CARD14: variants seen among roughly 807,000 people sequenced by gnomAD.
CARD14 encodes the protein caspase recruitment domain-containing protein 14.
A neutral mutation model predicts 111.5 loss-of-function variants in CARD14; 107 were observed. That is an observed-to-expected ratio of 0.96 (90% CI 0.82 to 1.13). The LOEUF is 1.13. Among genes scored for constraint, CARD14 ranks in the 50% most tolerant of loss-of-function variants. The pLI, the probability that CARD14 is intolerant of heterozygous loss-of-function variation, is 0.00. For synonymous variants in CARD14, 617 were observed against 579.6 expected, an observed-to-expected ratio of 1.06 and a Z score of -0.93; for missense variants, 1,322 against 1,362.3, an observed-to-expected ratio of 0.97 and a Z score of 0.47.
At position 80,191,325 on chromosome 17, in the gene CARD14, G is replaced by T; in HGVS notation, c.1092G>T (p.Ala364=). ...CTTACTCCCGTCGTGGCCCACAGGC[G>T]TACTCCGCGAGGGACAGTGCTCAGA... The part of the protein sequence containing the change: ...VCELQKERDQ[A]YSARDSAQRE... The change falls in exon 11 of 24, where the codon GCG becomes GCT. Residue 364 remains alanine (A), a splice_region_variant and synonymous_variant. Coordinates refer to ENST00000648509, the MANE Select transcript of CARD14 (RefSeq NM_001366385.1). 2 of 1,611,014 alleles carry T rather than the reference G, an allele frequency of 1.2e-6. No individual in the cohort carries two copies. Among genetic ancestry groups the T allele is most frequent in the Admixed American group, 1.7e-5 (1 of 59,972 alleles).
At chr17:80,204,392 G>A in intron 20 of CARD14, 51 bp downstream of exon 20, 9 of 1,480,092 alleles carry the variant, frequency 6.1e-6, no homozygotes, top group Non-Finnish European at 7.3e-6. Flanking sequence ...GTGGGTGAGG[G>A]GCTTTGGGAG....
chr17:80,204,665 G>C, intron 20 of CARD14: 1 of 386,682 alleles, frequency 2.6e-6, no homozygotes, highest in Non-Finnish European at 4.7e-6. Context: ...ACAGGACAGA[G>C]GGAGGGCTAG....
At chr17:80,193,769 G>A (rs1430146456) in intron 12 of CARD14, among the ~76,000 whole-genome samples, 5 of 152,106 alleles carry the variant, frequency 3.3e-5, no homozygotes, top group South Asian at 2.1e-4. Context: ...GTGCACACAC[G>A]GGGAAGATTT....
In CARD14 at chr17:80,203,269, CA is replaced by C. The variant is rs5822329; in HGVS notation, c.2220-538del. On this transcript the variant is annotated intron_variant, in intron 18 of 23. Transcript: ENST00000648509. This position sits in a 1 kb window ranked among gnomAD's most constrained non-coding sequence, Gnocchi z 4.6. ...TGGGCGACAGAGTGAGACTCTGTCTCAAAAAAAAAAAAAAAGAAAAGGAAAC... is the reference window on the plus strand; with the variant it reads ...TGGGCGACAGAGTGAGACTCTGTCTCAAAAAAAAAAAAAAGAAAAGGAAAC... 0.25 allele frequency: 27,925 copies of C among 109,544 alleles called. 2,987 individuals are homozygous for C. The highest frequency in any genetic ancestry group is 0.41 in the East Asian group (1,711 of 4,196). The allele number at this position is 109,544 out of a possible 1,614,324, so 6.8% of individuals were successfully genotyped here.
At chr17:80,204,623 T>A in intron 20 of CARD14, 1 of 334,472 alleles carries the variant, frequency 3.0e-6, no homozygotes, top group Non-Finnish European at 5.5e-6. Flanking sequence ...AAACTCTGTC[T>A]CAGGAAAAAA....
intron 4 of CARD14, among the ~76,000 whole-genome samples, chr17:80,180,377 A>G (rs572942705): frequency 1.4e-4 from 22 of 152,192 alleles, no homozygotes; most frequent in African/African-American, 5.3e-4. Context: ...CTGCCTCGCC[A>G]TCTTTGTAAG....
Position 80,188,149 on chromosome 17 carries a change from G to A in CARD14, c.676-228G>A, listed in dbSNP as rs913259026. On this transcript the variant is annotated intron_variant, in intron 7 of 23. Transcript: ENST00000648509. This position sits in a 1 kb window ranked among gnomAD's most constrained non-coding sequence, Gnocchi z 4.5. ...CTAACCCTGGATGGAGTTCAACCGC[G>A]GTGCCTCATCTATAAGACAGAGCTG... 6.4e-6 allele frequency: 3 copies of A among 472,380 alleles called. No individual in the cohort carries two copies. The highest frequency in any genetic ancestry group is 4.9e-5 in the Admixed American group (1 of 20,418). 29.3% of individuals were successfully genotyped at this position (472,380 alleles called of 1,614,324 possible).
intron 19 of CARD14, 143 bp downstream of exon 19, chr17:80,204,028 C>A: frequency 3.7e-6 from 3 of 812,030 alleles, no homozygotes; most frequent in Non-Finnish European, 5.8e-6. Context: ...TGCACCCCTT[C>A]AAACCAGGGC....
Position 80,203,346 on chromosome 17 carries a change from C to T in CARD14, c.2220-476C>T, listed in dbSNP as rs1007254782. On this transcript the variant is annotated intron_variant, in intron 18 of 23. Coordinates refer to ENST00000648509, the MANE Select transcript of CARD14 (RefSeq NM_001366385.1). The surrounding 1 kb of genome is among the most constrained non-coding windows in gnomAD (Gnocchi z 4.6). ...GGCTCCAAGTTTCAAGTGCACGGAACGCACAGTGCTAGAAAGCAGGAGTGT... is the reference window on the plus strand; with the variant it reads ...GGCTCCAAGTTTCAAGTGCACGGAATGCACAGTGCTAGAAAGCAGGAGTGT... The T allele has an allele frequency of 6.4e-6, 1 of 155,940 alleles. No individual in the cohort carries two copies. Among genetic ancestry groups the T allele is most frequent in the Non-Finnish European group, 1.4e-5 (1 of 70,764 alleles). 9.7% of individuals were successfully genotyped at this position (155,940 alleles called of 1,614,324 possible). A position where few individuals can be genotyped will look rare whatever the true frequency, so the allele number is the denominator to read the frequency against.
At chr17:80,197,979 G>A (rs781499389) in intron 14 of CARD14, 120 bp from the exon 15 acceptor site, 310 of 895,766 alleles carry the variant, frequency 3.5e-4, no homozygotes, top group Non-Finnish European at 1.6e-4. Context: ...GTTACAGGAC[G>A]CCCCATCAGC....
intron 11 of CARD14, among the ~76,000 whole-genome samples, chr17:80,191,954 A>G (rs2040544258): frequency 6.6e-6 from 1 of 152,216 alleles, no homozygotes; most frequent in African/African-American, 2.4e-5. Context: ...GCTGGCAGGC[A>G]GCTCCAGCTC....
At chr17:80,205,899 G>A (rs1021982106) in intron 22 of CARD14, 25 of 417,962 alleles carry the variant, frequency 6.0e-5, no homozygotes, top group African/African-American at 4.5e-4. Flanking sequence ...ATGTTTAATA[G>A]ATATTTGTTC....
chr17:80,193,502 G>A (rs1371361301), intron 12 of CARD14, among the ~76,000 whole-genome samples: 1 of 152,272 alleles, frequency 6.6e-6, no homozygotes, highest in Non-Finnish European at 1.5e-5. Flanking sequence ...AAAGTAAAGA[G>A]GTGGTCCCAC....
At chr17:80,207,800 A>G (rs1287808060) in intron 23 of CARD14, 4 of 277,326 alleles carry the variant, frequency 1.4e-5, no homozygotes, top group Non-Finnish European at 2.7e-5. Flanking sequence ...ACCCGGCCTC[A>G]GCTCCACTGA....
chr17:80,208,318 G>T lies in CARD14; in HGVS notation c.2988G>T (p.Val996=), dbSNP rs1484562517. ...RQAIADEQKK[V]VWTEQSPR ...CCATCGCCGACGAGCAGAAGAAGGT[G>T]GTGTGGACGGAGCAGAGCCCCCGAT... Residue 996 remains valine, a synonymous_variant, in exon 24 of 24, where the codon GTG becomes GTT. Coordinates refer to ENST00000648509, the MANE Select transcript of CARD14 (RefSeq NM_001366385.1). 1.9e-6 allele frequency: 3 copies of T among 1,604,534 alleles called. No individual in the cohort carries two copies. The highest frequency in any genetic ancestry group is 2.5e-6 in the Non-Finnish European group (3 of 1,176,560).
Position 80,192,523 on chromosome 17 carries a change from C to G in CARD14, c.1260C>G (p.Thr420=), listed in dbSNP as rs1034547388. 16 of 1,613,566 alleles carry G rather than the reference C, an allele frequency of 9.9e-6. No homozygotes were observed. Among genetic ancestry groups the G allele is most frequent in the Non-Finnish European group, 1.4e-5 (16 of 1,179,844 alleles). The part of the protein sequence containing the change: ...PPGVLKQEAR[T]REPCPREKQR... ...GGCAGCTCAAGCAGGAAGCCAGGAC[C>G]AGGGAGCCCTGTCCACGGGAGAAGC... The change falls in exon 12 of 24, where the codon ACC becomes ACG. Residue 420 remains threonine, a synonymous_variant. Coordinates refer to ENST00000648509, the MANE Select transcript of CARD14 (RefSeq NM_001366385.1).
At chr17:80,192,667 A>G in intron 12 of CARD14, 48 bp downstream of exon 12, 3 of 1,387,672 alleles carry the variant, frequency 2.2e-6, no homozygotes, top group Non-Finnish European at 3.1e-6. Context: ...CCTCTGGGCC[A>G]GCCCAGGGGC....
chr17:80,195,973 G>A lies in CARD14; in HGVS notation c.1594+321G>A, dbSNP rs550075552. On this transcript the variant is annotated intron_variant, in intron 14 of 23. Coordinates refer to ENST00000648509, the MANE Select transcript of CARD14 (RefSeq NM_001366385.1). The surrounding 1 kb of genome is among the most constrained non-coding windows in gnomAD (Gnocchi z 4.7). ...ATCTGTAACGCTTGGGCTTCCCAGTGGTTTCAGAAGGCAGCAGGCAGGGTG... is the reference window on the plus strand; with the variant it reads ...ATCTGTAACGCTTGGGCTTCCCAGTAGTTTCAGAAGGCAGCAGGCAGGGTG... 69 of 258,660 alleles carry A rather than the reference G, an allele frequency of 2.7e-4. No individual in the cohort carries two copies. In the Middle Eastern group the frequency reaches 4.9e-3, roughly 18 times the overall value. The allele number at this position is 258,660 out of a possible 1,614,324, so 16.0% of individuals were successfully genotyped here.
intron 2 of CARD14, among the ~76,000 whole-genome samples, chr17:80,174,933 C>A (rs1037410429): frequency 2.0e-5 from 3 of 152,190 alleles, no homozygotes; most frequent in Non-Finnish European, 4.4e-5. Context: ...CTTGGCAGCA[C>A]TCCTTTGGTT....
Sources: allele counts gnomAD v4.1 joint callset (sites outside exome capture counted in the v4.1 genomes callset), GRCh38; gene constraint gnomAD v4.1.1; non-coding constraint Gnocchi (gnomAD v3.1); transcripts MANE v1.5; gene names NCBI Gene and HGNC (gene_info 2026-07-23, HGNC 2026-07-21).